CNTNAP4: variants seen among roughly 807,000 people sequenced by gnomAD.
CNTNAP4 encodes contactin-associated protein-like 4.
CNTNAP4 carries 98 observed loss-of-function variants against 148.4 expected under a neutral mutation model. The observed-to-expected ratio is 0.66, with a 90% CI of 0.56 to 0.78. The LOEUF is 0.78. CNTNAP4 is among the 30% of genes least tolerant of loss of function. The pLI, the probability that CNTNAP4 is intolerant of heterozygous loss-of-function variation, is 0.00. For missense variants in CNTNAP4, 1,935 were observed against 1,565.6 expected, an observed-to-expected ratio of 1.24 and a Z score of -3.98; for synonymous variants, 730 against 565.1, an observed-to-expected ratio of 1.29 and a Z score of -4.14.
In CNTNAP4 at chr16:76,462,024, G is replaced by A. The variant is rs778665911; in HGVS notation, c.1402G>A (p.Ala468Thr). 6.2e-7 allele frequency: 1 copy of A among 1,613,844 alleles called. No homozygotes were observed. Among genetic ancestry groups the A allele is most frequent in the South Asian group, 1.1e-5 (1 of 91,066 alleles). ...TGCTAAAAAGAATCACTTGAGTGTG[G>A]CGGTGGACGGCCAGATGGCTTCTGC... The part of the protein sequence containing the change: ...LSAKKNHLSV[A>T]VDGQMASAAP... The change falls in exon 9 of 24, where the codon GCG becomes ACG. Residue 468 changes from alanine (A) to threonine (T), a missense_variant. Physicochemically the swap from Ala to Thr is moderately conservative, Grantham distance 58. Coordinates refer to ENST00000611870, the MANE Select transcript of CNTNAP4 (RefSeq NM_033401.5).
chr16:76,442,237 C>T (rs964943423), intron 4 of CNTNAP4, among the ~76,000 whole-genome samples: 4 of 152,028 alleles, frequency 2.6e-5, no homozygotes, highest in Admixed American at 6.6e-5. Context: ...GCCAAGTGGT[C>T]TCTAAAAGGT....
intron 4 of CNTNAP4, among the ~76,000 whole-genome samples, chr16:76,442,124 AG>A (rs1301140114): frequency 2.6e-5 from 4 of 152,116 alleles, no homozygotes; most frequent in Admixed American, 1.3e-4. Context: ...TGTAATCACA[AG>A]GGTCCTTATA....
chr16:76,314,774 C>T (rs1961526735), intron 1 of CNTNAP4, among the ~76,000 whole-genome samples: 1 of 152,154 alleles, frequency 6.6e-6, no homozygotes, highest in African/African-American at 2.4e-5. Context: ...TGGTGTCACT[C>T]TGGTTCTAAC....
intron 2 of CNTNAP4, among the ~76,000 whole-genome samples, chr16:76,333,088 G>A (rs1336564846): frequency 6.6e-6 from 1 of 152,172 alleles, no homozygotes; most frequent in Non-Finnish European, 1.5e-5. Flanking sequence ...TAAGGATAAG[G>A]TTTGTTTTAA....
intron 2 of CNTNAP4, among the ~76,000 whole-genome samples, chr16:76,351,999 C>G (rs1244495897): frequency 6.6e-6 from 1 of 152,120 alleles, no homozygotes; most frequent in Non-Finnish European, 1.5e-5. Flanking sequence ...TTACAATTAA[C>G]TAGAAAGGGC....
intron 3 of CNTNAP4, among the ~76,000 whole-genome samples, chr16:76,425,211 A>G (rs1303966393): frequency 6.6e-6 from 1 of 152,160 alleles, no homozygotes; most frequent in East Asian, 1.9e-4. Context: ...AACAATAGCA[A>G]AAACAGAGGG....
In CNTNAP4 at chr16:76,532,349, G is replaced by C. The variant is rs188629087; in HGVS notation, c.2756-3196G>C. On this transcript the variant is annotated intron_variant, in intron 17 of 23. Transcript: ENST00000611870. ...ATGTGTTTATTCTAGTATTTCCTCA[G>C]ATGGACCTGTGGACCAATCTTTGAA... Among the ~76,000 whole-genome samples the C allele has an allele frequency of 2.0e-5, 3 of 152,268 alleles. No homozygotes were observed. In the East Asian group the frequency reaches 5.8e-4, roughly 29 times the overall value.
At chr16:76,327,728 G>C (rs993929856) in intron 2 of CNTNAP4, among the ~76,000 whole-genome samples, 5 of 152,214 alleles carry the variant, frequency 3.3e-5, no homozygotes, top group African/African-American at 1.2e-4. Context: ...ATGAGGAGGA[G>C]TGCCTGCCTG....
At chr16:76,463,030 A>G (rs1269211747) in intron 9 of CNTNAP4, among the ~76,000 whole-genome samples, 2 of 152,204 alleles carry the variant, frequency 1.3e-5, no homozygotes, top group Admixed American at 6.5e-5. Flanking sequence ...CAAAAGAACA[A>G]ACAAACAAAA....
chr16:76,445,986 G>C (rs992307955), intron 4 of CNTNAP4, among the ~76,000 whole-genome samples: 4 of 152,130 alleles, frequency 2.6e-5, no homozygotes, highest in African/African-American at 9.7e-5. Flanking sequence ...GCTATGTAAC[G>C]AGGAAGGATT....
At chr16:76,557,212 ATT>A (rs775883192) in intron 23 of CNTNAP4, among the ~76,000 whole-genome samples, 19 of 152,302 alleles carry the variant, frequency 1.2e-4, no homozygotes, top group Middle Eastern at 3.4e-3. Flanking sequence ...GAAAACTTGA[ATT>A]TTATCTTTCA....
At chr16:76,460,773 A>AAAAAAAAAAATATAT in intron 8 of CNTNAP4, among the ~76,000 whole-genome samples, 3 of 57,326 alleles carry the variant, frequency 5.2e-5, no homozygotes, top group East Asian at 1.0e-3. Flanking sequence ...AAAAAAAAAA[A>AAAAAAAAAAATATAT]ATATATATAT....
In CNTNAP4 at chr16:76,370,622, A is replaced by T. The variant is rs530764443; in HGVS notation, c.390+15111A>T. Among the ~76,000 whole-genome samples the T allele has an allele frequency of 2.6e-5, 4 of 152,332 alleles. No homozygotes were observed. The East Asian group carries it at 7.7e-4, about 29-fold the overall frequency. On this transcript the variant is annotated intron_variant, in intron 3 of 23. Transcript: ENST00000611870. ...GCCCTCTAATGTTTTGGGTCAGAGCAGGGAAAGGGTGACACGTGGTTCTAA... is the reference window on the plus strand; with the variant it reads ...GCCCTCTAATGTTTTGGGTCAGAGCTGGGAAAGGGTGACACGTGGTTCTAA...
At chr16:76,289,104 G>A (rs1232175645) in intron 1 of CNTNAP4, among the ~76,000 whole-genome samples, 6 of 151,682 alleles carry the variant, frequency 4.0e-5, no homozygotes, top group Non-Finnish European at 8.8e-5. Flanking sequence ...TAATTTGATA[G>A]GCCACTACAT....
At chr16:76,289,947 G>C (rs995336203) in intron 1 of CNTNAP4, among the ~76,000 whole-genome samples, 2 of 152,042 alleles carry the variant, frequency 1.3e-5, no homozygotes, top group African/African-American at 4.8e-5. Context: ...TTTAGATTCT[G>C]CTCACGTTTC....
intron 2 of CNTNAP4, among the ~76,000 whole-genome samples, chr16:76,317,047 C>T (rs1961833500): frequency 6.6e-6 from 1 of 151,900 alleles, no homozygotes; most frequent in Non-Finnish European, 1.5e-5. Context: ...GGGAAGATCA[C>T]TTGAAGTGAG....
intron 2 of CNTNAP4, among the ~76,000 whole-genome samples, chr16:76,319,970 A>G (rs180938489): frequency 6.6e-6 from 1 of 152,344 alleles, no homozygotes; most frequent in Admixed American, 6.5e-5. Context: ...CTAGAAGTTT[A>G]GTGCCACTGG....
intron 17 of CNTNAP4, among the ~76,000 whole-genome samples, chr16:76,535,203 A>G (rs1323187965): frequency 1.3e-5 from 2 of 152,208 alleles, no homozygotes; most frequent in Non-Finnish European, 2.9e-5. Context: ...CCAGCAATAT[A>G]TACTTATTCA....
intron 1 of CNTNAP4, among the ~76,000 whole-genome samples, chr16:76,296,816 A>G (rs1189105192): frequency 6.6e-6 from 1 of 152,204 alleles, no homozygotes; most frequent in Non-Finnish European, 1.5e-5. Context: ...TGATACCCCA[A>G]GCATTGAGAA....
Sources: gnomAD v4.1 joint callset for allele counts (sites outside exome capture counted in the v4.1 genomes callset) on GRCh38, gnomAD v4.1.1 for gene constraint, MANE v1.5 for transcripts, NCBI Gene and HGNC (gene_info 2026-07-23, HGNC 2026-07-21) for gene names.